Variants in DGKB observed in about 807,000 individuals in gnomAD.
DGKB encodes the protein 90 kDa diacylglycerol kinase.
A neutral mutation model predicts 114.3 loss-of-function variants in DGKB; 67 were observed. The ratio of observed to expected loss-of-function variants is 0.59; its 90% CI spans 0.48 to 0.72. DGKB has a LOEUF of 0.72. DGKB is among the 30% of genes least tolerant of loss of function. The pLI, the probability that DGKB is intolerant of heterozygous loss-of-function variation, is 0.00. For synonymous variants in DGKB, 398 were observed against 323.1 expected, an observed-to-expected ratio of 1.23 and a Z score of -2.49; for missense variants, 907 against 975.2, an observed-to-expected ratio of 0.93 and a Z score of 0.93.
chr7:14,298,746 T>C (rs1220432195), intron 23 of DGKB, among the ~76,000 whole-genome samples: 1 of 152,006 alleles, frequency 6.6e-6, no homozygotes. Flanking sequence ...ACCATCAGAG[T>C]AAACAGGCAA....
chr7:14,413,561 A>C (rs1179079878), intron 21 of DGKB, among the ~76,000 whole-genome samples: 3 of 152,128 alleles, frequency 2.0e-5, no homozygotes, highest in Non-Finnish European at 4.4e-5. Flanking sequence ...CCTAGTAACA[A>C]GTCTTGAGGT....
chr7:14,187,783 G>C (rs1783668027), intron 23 of DGKB, among the ~76,000 whole-genome samples: 1 of 151,884 alleles, frequency 6.6e-6, no homozygotes, highest in Non-Finnish European at 1.5e-5. Context: ...ATAAATGTAG[G>C]GACACAAGAA....
At chr7:14,171,165 T>C (rs1488650538) in intron 25 of DGKB, among the ~76,000 whole-genome samples, 2 of 152,064 alleles carry the variant, frequency 1.3e-5, no homozygotes, top group African/African-American at 4.8e-5. Context: ...TCTTAAGAGG[T>C]ATTATGCCAG....
At chr7:14,911,586 T>C (rs2128243709) in intron 1 of DGKB, among the ~76,000 whole-genome samples, 1 of 152,304 alleles carries the variant, frequency 6.6e-6, no homozygotes, top group Non-Finnish European at 1.5e-5. Context: ...AATTAACAAA[T>C]TCAGGAACTG....
At chr7:14,535,197 G>A (rs1302914710) in intron 20 of DGKB, among the ~76,000 whole-genome samples, 1 of 151,868 alleles carries the variant, frequency 6.6e-6, no homozygotes, top group Non-Finnish European at 1.5e-5. Flanking sequence ...AGTGAGAACT[G>A]TCTCAACAAA....
intron 23 of DGKB, among the ~76,000 whole-genome samples, chr7:14,269,562 C>T (rs948957778): frequency 6.6e-6 from 1 of 152,190 alleles, no homozygotes; most frequent in African/African-American, 2.4e-5. Flanking sequence ...ATTTCCCTGA[C>T]TCCACCTCTG....
chr7:14,671,007 G>T (rs192748868), intron 13 of DGKB, among the ~76,000 whole-genome samples: 70 of 152,282 alleles, frequency 4.6e-4, no homozygotes, highest in African/African-American at 1.6e-3. Flanking sequence ...AATTATTGCA[G>T]TAGTAAATAA....
chr7:14,190,672 AAAG>A (rs1297928670), intron 23 of DGKB: 4 of 152,170 alleles, frequency 2.6e-5, no homozygotes, highest in Non-Finnish European at 5.9e-5. Context: ...TAAAAAAAAG[AAAG>A]AAGACTCAAA....
intron 23 of DGKB, among the ~76,000 whole-genome samples, chr7:14,328,736 T>A (rs1430557040): frequency 3.3e-5 from 5 of 151,972 alleles, no homozygotes; most frequent in African/African-American, 1.2e-4. Flanking sequence ...TTGAACTTTC[T>A]AAAAAATGCT....
At chr7:14,541,432 G>A (rs1192636918) in intron 20 of DGKB, among the ~76,000 whole-genome samples, 1 of 152,118 alleles carries the variant, frequency 6.6e-6, no homozygotes, top group African/African-American at 2.4e-5. Flanking sequence ...AAATGGAACA[G>A]GAATGAACTG....
chr7:14,305,554 A>G (rs1804327495), intron 23 of DGKB, among the ~76,000 whole-genome samples: 1 of 152,168 alleles, frequency 6.6e-6, no homozygotes, highest in Admixed American at 6.5e-5. Context: ...TGGGATTCCT[A>G]TTCAGGGCTG....
chr7:14,307,593 A>G (rs1804698527), intron 23 of DGKB, among the ~76,000 whole-genome samples: 3 of 152,198 alleles, frequency 2.0e-5, no homozygotes, highest in Non-Finnish European at 2.9e-5. Context: ...GCAGATCTTT[A>G]CCACATATTG....
In DGKB at chr7:14,368,573, C is replaced by CTGTGTGTGTG. The variant is rs3069084; in HGVS notation, c.1836-23192_1836-23183dup. ...GAAACAGATGCAAACGGTATTTTCTCTGTGTGTGTGTGTGTGTGTGTGTGT... is the reference window on the plus strand; with the variant it reads ...GAAACAGATGCAAACGGTATTTTCTCTGTGTGTGTGTGTGTGTGTGTGTGTGTGTGTGTGT... On this transcript the variant is annotated intron_variant, in intron 21 of 25. Coordinates refer to ENST00000402815, the MANE Select transcript of DGKB (RefSeq NM_001350709.2). 4.5e-3 allele frequency among the ~76,000 whole-genome samples: 672 copies of CTGTGTGTGTG among 148,728 alleles called. 5 individuals are homozygous for CTGTGTGTGTG. Among genetic ancestry groups the CTGTGTGTGTG allele is most frequent in the African/African-American group, 0.014 (561 of 40,434 alleles).
At chr7:14,456,468 A>C (rs2128856943) in intron 21 of DGKB, among the ~76,000 whole-genome samples, 1 of 152,202 alleles carries the variant, frequency 6.6e-6, no homozygotes. Context: ...TGCACAAAAC[A>C]ATCCTATGTG....
chr7:14,318,294 A>G (rs970031536), intron 23 of DGKB, among the ~76,000 whole-genome samples: 1 of 148,146 alleles, frequency 6.8e-6, no homozygotes, highest in African/African-American at 2.5e-5. Context: ...ATGGGATCTA[A>G]TTAAACTAAA....
chr7:14,677,101 G>T (rs929658767), intron 12 of DGKB, among the ~76,000 whole-genome samples: 2 of 151,824 alleles, frequency 1.3e-5, no homozygotes, highest in Admixed American at 6.6e-5. Flanking sequence ...TTTAGAGCCA[G>T]ATCTATGTTT....
At chr7:14,389,315 C>G (rs1279501256) in intron 21 of DGKB, among the ~76,000 whole-genome samples, 2 of 152,170 alleles carry the variant, frequency 1.3e-5, no homozygotes, top group African/African-American at 4.8e-5. Context: ...ATTATGTTGT[C>G]CCATCTAGGA....
At chr7:14,151,406 G>T (rs1782180188) in intron 25 of DGKB, among the ~76,000 whole-genome samples, 1 of 146,964 alleles carries the variant, frequency 6.8e-6, no homozygotes, top group Admixed American at 6.8e-5. Flanking sequence ...TCTTCTCTGT[G>T]TTTTTTTTTG....
chr7:14,777,597 C>A (rs1317950363), intron 2 of DGKB, among the ~76,000 whole-genome samples: 1 of 152,240 alleles, frequency 6.6e-6, no homozygotes, highest in Non-Finnish European at 1.5e-5. Flanking sequence ...TGAAGAAGGG[C>A]ATGTTTGCTT....
Sources: allele counts gnomAD v4.1 joint callset (sites outside exome capture counted in the v4.1 genomes callset), GRCh38; gene constraint gnomAD v4.1.1; transcripts MANE v1.5; gene names NCBI Gene and HGNC (gene_info 2026-07-23, HGNC 2026-07-21).